RFC3: variants seen among roughly 807,000 people sequenced by gnomAD.
RFC3 encodes A1 38 kDa subunit.
RFC3 carries 41 observed loss-of-function variants against 45.1 expected under a neutral mutation model. That is an observed-to-expected ratio of 0.91 (90% CI 0.71 to 1.18). The LOEUF is 1.18. Ranked by LOEUF, RFC3 falls within the 50% of genes most tolerant of loss-of-function variation. The pLI is 0.00. For missense variants in RFC3, 423 were observed against 428.1 expected (o/e 0.99, Z 0.10); for synonymous variants, 149 against 144.0 (o/e 1.03, Z -0.25).
intron 8 of RFC3, among the ~76,000 whole-genome samples, chr13:33,908,607 TACACACACACACACACAC>T (rs71074991): frequency 0.013 from 1,853 of 142,692 alleles, 28 homozygotes; most frequent in African/African-American, 0.046. Flanking sequence ...ACACAGGAGA[TACACACACACACACACAC>T]ACACACACAC....
chr13:33,975,869 T>A, the RFC3 span, among the ~76,000 whole-genome samples: 1 of 152,226 alleles, frequency 6.6e-6, no homozygotes, highest in Non-Finnish European at 1.5e-5. Context: ...TCTTGCTCTG[T>A]CAGCAGAGGG....
chr13:33,851,325 T>C (rs2082275244), intron 8 of RFC3, among the ~76,000 whole-genome samples: 4 of 152,158 alleles, frequency 2.6e-5, no homozygotes, highest in Admixed American at 2.6e-4. Flanking sequence ...CCCGTCACAG[T>C]TGAAAATCAA....
chr13:33,900,856 A>G (rs143348762), intron 8 of RFC3, among the ~76,000 whole-genome samples: 87 of 151,602 alleles, frequency 5.7e-4, no homozygotes, highest in Admixed American at 9.9e-4. Context: ...AATAATAAAT[A>G]TAATAATCCA....
chr13:33,902,571 G>A (rs2082648270), intron 8 of RFC3, among the ~76,000 whole-genome samples: 1 of 152,040 alleles, frequency 6.6e-6, no homozygotes, highest in African/African-American at 2.4e-5. Flanking sequence ...ATTATACTGT[G>A]TATATCAGAT....
At chr13:33,903,476 G>T (rs1048546118) in intron 8 of RFC3, among the ~76,000 whole-genome samples, 1 of 152,084 alleles carries the variant, frequency 6.6e-6, no homozygotes, top group South Asian at 2.1e-4. Context: ...GTATTTACTT[G>T]TAAGTTTATG....
chr13:33,940,744 T>TA (rs2082918010), intron 8 of RFC3, among the ~76,000 whole-genome samples: 1 of 152,202 alleles, frequency 6.6e-6, no homozygotes. Flanking sequence ...GCTGAAACCT[T>TA]ACAATAGTTT....
At chr13:33,976,405 AG>A in the RFC3 span, among the ~76,000 whole-genome samples, 2 of 152,146 alleles carry the variant, frequency 1.3e-5, no homozygotes, top group Non-Finnish European at 2.9e-5. Flanking sequence ...GGGTTATCAG[AG>A]GTGGGAAGGG....
chr13:33,933,352 A>G (rs936040232), intron 8 of RFC3, among the ~76,000 whole-genome samples: 12 of 152,114 alleles, frequency 7.9e-5, no homozygotes, highest in Admixed American at 5.2e-4. Context: ...TTGTGTTAAA[A>G]TGAACTGCTG....
chr13:33,822,978 T>C (rs2082016669), intron 2 of RFC3, among the ~76,000 whole-genome samples: 1 of 152,130 alleles, frequency 6.6e-6, no homozygotes, highest in Non-Finnish European at 1.5e-5. Flanking sequence ...AAAGACAATC[T>C]GGTAGAAAAC....
intron 8 of RFC3, among the ~76,000 whole-genome samples, chr13:33,842,515 CCTT>C (rs1449922459): frequency 2.0e-5 from 3 of 152,150 alleles, no homozygotes; most frequent in African/African-American, 7.2e-5. Flanking sequence ...TGTGTAACTC[CCTT>C]CTTTCCAGAT....
At chr13:33,849,883 A>C (rs1424896602) in intron 8 of RFC3, 1 of 152,114 alleles carries the variant, frequency 6.6e-6, no homozygotes. Context: ...TCTCAAAAAA[A>C]AACAAACCAA....
intron 8 of RFC3, among the ~76,000 whole-genome samples, chr13:33,926,794 C>T (rs1424610040): frequency 6.6e-6 from 1 of 150,834 alleles, no homozygotes; most frequent in African/African-American, 2.4e-5. Context: ...TTTTAAAAGG[C>T]CAACCAGGCT....
chr13:33,857,503 A>G (rs1433128435), intron 8 of RFC3, among the ~76,000 whole-genome samples: 2 of 152,230 alleles, frequency 1.3e-5, no homozygotes, highest in African/African-American at 4.8e-5. Flanking sequence ...TCCCAAGGCA[A>G]TCAGCATCTC....
chr13:33,873,094 A>G (rs1013278884), intron 8 of RFC3, among the ~76,000 whole-genome samples: 1 of 152,194 alleles, frequency 6.6e-6, no homozygotes, highest in African/African-American at 2.4e-5. Context: ...TGTTTCAAAT[A>G]TTAGCAAAGA....
intron 8 of RFC3, among the ~76,000 whole-genome samples, chr13:33,952,640 A>G (rs554582571): frequency 1.4e-4 from 21 of 152,266 alleles, no homozygotes; most frequent in African/African-American, 4.6e-4. Context: ...CCTCTTAACA[A>G]CCACAACCTT....
chr13:33,952,252 C>T (rs1406285463), intron 8 of RFC3, among the ~76,000 whole-genome samples: 1 of 152,186 alleles, frequency 6.6e-6, no homozygotes, highest in African/African-American at 2.4e-5. Context: ...AAGGGAATGA[C>T]ATGTGCCTTG....
At chr13:33,898,450 T>C (rs2082615796) in intron 8 of RFC3, among the ~76,000 whole-genome samples, 1 of 151,906 alleles carries the variant, frequency 6.6e-6, no homozygotes, top group African/African-American at 2.4e-5. Context: ...TAAAAATTTA[T>C]TGAAACAAAT....
At chr13:33,832,602 A>C (rs2082114943) in intron 7 of RFC3, among the ~76,000 whole-genome samples, 1 of 152,190 alleles carries the variant, frequency 6.6e-6, no homozygotes, top group South Asian at 2.1e-4. Flanking sequence ...AGTTTTCTCC[A>C]AGAAGTACCA....
chr13:33,819,122 C>T (rs1423081435), intron 1 of RFC3, among the ~76,000 whole-genome samples: 1 of 152,042 alleles, frequency 6.6e-6, no homozygotes, highest in Admixed American at 6.6e-5. Flanking sequence ...GAACTCCTGA[C>T]CTCAGGTGAT....
Sources: gnomAD v4.1 joint callset for allele counts (sites outside exome capture counted in the v4.1 genomes callset) on GRCh38, gnomAD v4.1.1 for gene constraint, MANE v1.5 for transcripts, NCBI Gene and HGNC (gene_info 2026-07-23, HGNC 2026-07-21) for gene names.